ANKRD11: variants seen among roughly 807,000 people sequenced by gnomAD.
ANKRD11 encodes the protein ankyrin repeat domain 11, also known as ankyrin repeat domain-containing protein 11.
ANKRD11 carries 17 observed loss-of-function variants against 195.7 expected under a neutral mutation model. The observed-to-expected ratio is 0.09, with a 90% CI of 0.06 to 0.13. The LOEUF is 0.13. Among genes scored for constraint, ANKRD11 ranks in the 10% least tolerant of loss-of-function variants. The probability of loss-of-function intolerance (pLI) is 1.00; values close to 1 mark genes in which losing one functional copy is unlikely to be tolerated. For synonymous variants in ANKRD11, 1,953 were observed against 1,528.1 expected (o/e 1.28, Z -6.49); for missense variants, 3,735 against 3,566.1 (o/e 1.05, Z -1.21).
intron 2 of ANKRD11, among the ~76,000 whole-genome samples, chr16:89,336,707 C>A (rs1054362630): frequency 3.3e-5 from 5 of 152,192 alleles, no homozygotes; most frequent in Admixed American, 3.3e-4. Flanking sequence ...GTCCTAAAAG[C>A]ACGCCCTACA....
intron 1 of ANKRD11, among the ~76,000 whole-genome samples, chr16:89,483,618 C>T (rs1483729352): frequency 6.6e-6 from 1 of 152,128 alleles, no homozygotes; most frequent in Non-Finnish European, 1.5e-5. Context: ...CACCTGAGGT[C>T]GGGAGTTTGA....
chr16:89,411,340 T>C (rs1314977067), intron 2 of ANKRD11, among the ~76,000 whole-genome samples: 29 of 152,234 alleles, frequency 1.9e-4, no homozygotes, highest in Admixed American at 1.9e-3. Flanking sequence ...TGGGAAACCT[T>C]GACTGCACCG....
chr16:89,488,457 T>C (rs1211422434), intron 1 of ANKRD11, among the ~76,000 whole-genome samples: 3 of 149,696 alleles, frequency 2.0e-5, no homozygotes, highest in Non-Finnish European at 4.4e-5. Flanking sequence ...CCCCTTTTTT[T>C]CTAGTTTAAC....
chr16:89,292,305 A>G (rs1045656192), intron 4 of ANKRD11, among the ~76,000 whole-genome samples: 13 of 152,134 alleles, frequency 8.5e-5, no homozygotes, highest in African/African-American at 2.2e-4. Flanking sequence ...GGTGGGAGAC[A>G]TCTCTAACAA....
chr16:89,426,566 C>CACACAA (rs3219947), intron 1 of ANKRD11, among the ~76,000 whole-genome samples: 17 of 151,296 alleles, frequency 1.1e-4, no homozygotes, highest in South Asian at 2.1e-4. Context: ...CACACACACA[C>CACACAA]AAATCTGAAA....
chr16:89,446,142 C>G (rs2043782200), intron 1 of ANKRD11, among the ~76,000 whole-genome samples: 1 of 151,782 alleles, frequency 6.6e-6, no homozygotes, highest in African/African-American at 2.4e-5. Flanking sequence ...CTTCCAATTG[C>G]ATTTCATGAA....
At position 89,284,713 on chromosome 16, in the gene ANKRD11, G is replaced by T. The variant is rs1008939365; in HGVS notation, c.1829C>A (p.Pro610His). 5.0e-6 allele frequency: 8 copies of T among 1,613,826 alleles called. No individual in the cohort carries two copies. The South Asian group carries it at 7.7e-5, about 16-fold the overall frequency. Residue 610 changes from proline (P) to histidine (H), a missense_variant, in exon 9 of 13, where the codon CCC becomes CAC. By Grantham distance (77) the Pro-to-His change is moderately conservative. Transcript: ENST00000301030. ...KRASLSEKKS[P>H]FLSSAEGAVP... ...AGCGCCCTCCGCGCTGGACAGGAAGGGGCTCTTCTTCTCCGACAGGGAGGC... is the reference window on the plus strand; with the variant it reads ...AGCGCCCTCCGCGCTGGACAGGAAGTGGCTCTTCTTCTCCGACAGGGAGGC...
At chr16:89,477,991 A>C (rs1238537350) in intron 1 of ANKRD11, among the ~76,000 whole-genome samples, 1 of 152,184 alleles carries the variant, frequency 6.6e-6, no homozygotes, top group Non-Finnish European at 1.5e-5. Flanking sequence ...AATCAGACCT[A>C]ATATTTGTTT....
intron 2 of ANKRD11, among the ~76,000 whole-genome samples, chr16:89,335,524 C>G (rs577454167): frequency 2.6e-5 from 4 of 152,216 alleles, no homozygotes; most frequent in Non-Finnish European, 5.9e-5. Flanking sequence ...GAACGCTATA[C>G]CACTCCCATG....
Position 89,323,585 on chromosome 16 carries a change from A to G in ANKRD11, c.-59-6507T>C, listed in dbSNP as rs1275533184. Among the ~76,000 whole-genome samples, 7 of 56,850 alleles carry G rather than the reference A, an allele frequency of 1.2e-4. 1 individual carries two copies. The highest frequency in any genetic ancestry group is 4.0e-4 in the African/African-American group (7 of 17,374). 37.3% of individuals were successfully genotyped at this position (56,850 alleles called of 152,430 possible). ...AGCTAAGGGCACGGGGGCTAAGCCC[A>G]GGGCAGGGGGGCTGAGCCCGGGGCA... On this transcript the variant is annotated intron_variant, in intron 2 of 12. Transcript: ENST00000301030.
intron 1 of ANKRD11, among the ~76,000 whole-genome samples, chr16:89,441,194 C>G (rs376552560): frequency 6.6e-5 from 10 of 152,062 alleles, no homozygotes; most frequent in African/African-American, 2.4e-4. Context: ...CAGGATCGAG[C>G]CACTGCACTC....
At position 89,280,470 on chromosome 16, in the gene ANKRD11, C is replaced by A. The variant is rs542077760; in HGVS notation, c.6072G>T (p.Pro2024=). ...PYPAPPASPA[P]YALPVAEPGL... is the part of the protein sequence containing the mutation. ...CCGGCTCAGCGACGGGCAGAGCGTACGGGGCAGGAGAGGCGGGAGGGGCGG... is the reference window on the plus strand; with the variant it reads ...CCGGCTCAGCGACGGGCAGAGCGTAAGGGGCAGGAGAGGCGGGAGGGGCGG... Residue 2024 remains proline, a synonymous_variant, in exon 9 of 13, where the codon CCG becomes CCT. Coordinates refer to ENST00000301030, the MANE Select transcript of ANKRD11 (RefSeq NM_013275.6). The A allele has an allele frequency of 1.9e-6, 3 of 1,601,886 alleles. No homozygotes were observed. Among genetic ancestry groups the A allele is most frequent in the Non-Finnish European group, 2.6e-6 (3 of 1,173,952 alleles).
Position 89,268,764 on chromosome 16 carries a change from C to T in ANKRD11, c.7807-101G>A, listed in dbSNP as rs1022900336. 7.4e-5 allele frequency: 102 copies of T among 1,378,058 alleles called. No individual in the cohort carries two copies. In the African/African-American group the frequency reaches 1.1e-3, roughly 15 times the overall value. The allele number at this position is 1,378,058 out of a possible 1,614,324, so 85.4% of individuals were successfully genotyped here. ...AGCAGGGCCAAGGGCGTGATACGGC[C>T]GTGAACCTACCCTGGTATGGGCCAG... is the stretch of plus-strand genomic sequence containing the variant. On this transcript the variant is annotated intron_variant, in intron 12 of 12. Transcript: ENST00000301030.
intron 1 of ANKRD11, among the ~76,000 whole-genome samples, chr16:89,442,940 G>A (rs2043590926): frequency 6.6e-6 from 1 of 152,170 alleles, no homozygotes; most frequent in South Asian, 2.1e-4. Flanking sequence ...TTAGACATAA[G>A]CAAGGATTTT....
chr16:89,275,995 G>A (rs1032835294), intron 9 of ANKRD11, among the ~76,000 whole-genome samples: 2 of 152,310 alleles, frequency 1.3e-5, no homozygotes, highest in African/African-American at 4.8e-5. Flanking sequence ...TGTGCTCGGG[G>A]CCACAGCAGT....
intron 2 of ANKRD11, among the ~76,000 whole-genome samples, chr16:89,379,754 A>C (rs527383610): frequency 6.6e-6 from 1 of 152,272 alleles, no homozygotes; most frequent in Non-Finnish European, 1.5e-5. Flanking sequence ...GTGATTCACA[A>C]AGAACTTGGA....
At chr16:89,469,583 G>A (rs1032427226) in intron 1 of ANKRD11, among the ~76,000 whole-genome samples, 30 of 151,970 alleles carry the variant, frequency 2.0e-4, no homozygotes, top group African/African-American at 6.3e-4. Context: ...AGAGAAAGGA[G>A]ATAAAACGTA....
chr16:89,274,716 G>A, intron 11 of ANKRD11, 98 bp downstream of exon 11: 1 of 1,560,702 alleles, frequency 6.4e-7, no homozygotes, highest in Non-Finnish European at 8.7e-7. Context: ...GAGCACCCGG[G>A]AAGCTCCTGG....
At chr16:89,363,105 G>A (rs919916826) in intron 2 of ANKRD11, among the ~76,000 whole-genome samples, 1 of 152,088 alleles carries the variant, frequency 6.6e-6, no homozygotes, top group Non-Finnish European at 1.5e-5. Flanking sequence ...TTACGTTCAA[G>A]TGCTATTTCT....
Sources: gnomAD v4.1 joint callset for allele counts (sites outside exome capture counted in the v4.1 genomes callset) on GRCh38, gnomAD v4.1.1 for gene constraint, MANE v1.5 for transcripts, NCBI Gene and HGNC (gene_info 2026-07-23, HGNC 2026-07-21) for gene names.